ARHGAP26: variants seen among roughly 807,000 people sequenced by gnomAD.
ARHGAP26 encodes the protein Rho GTPase activating protein 26.
ARHGAP26 carries 38 observed loss-of-function variants against 104.8 expected under a neutral mutation model. That is an observed-to-expected ratio of 0.36 (90% CI 0.28 to 0.48). ARHGAP26 has a LOEUF of 0.48. Among genes scored for constraint, ARHGAP26 ranks in the 20% least tolerant of loss-of-function variants. ARHGAP26 has a pLI of 0.99. For missense variants in ARHGAP26, 704 were observed against 947.9 expected (o/e 0.74, Z 3.38); for synonymous variants, 341 against 340.0 (o/e 1.00, Z -0.03).
intron 1 of ARHGAP26, among the ~76,000 whole-genome samples, chr5:142,779,441 G>C (rs1696765513): frequency 6.6e-6 from 1 of 152,090 alleles, no homozygotes; most frequent in South Asian, 2.1e-4. Context: ...GTGTGTGTGT[G>C]TGTGTTTTCT....
At chr5:142,979,899 G>A (rs895766244) in intron 11 of ARHGAP26, among the ~76,000 whole-genome samples, 1 of 152,186 alleles carries the variant, frequency 6.6e-6, no homozygotes, top group Non-Finnish European at 1.5e-5. Context: ...TGGAAACTCC[G>A]GAGTGAGGCC....
chr5:143,037,231 A>G lies in ARHGAP26; in HGVS notation c.1180A>G (p.Arg394Gly). 6.2e-7 allele frequency: 1 copy of G among 1,604,862 alleles called. No homozygotes were observed. The highest frequency in any genetic ancestry group is 8.5e-7 in the Non-Finnish European group (1 of 1,172,954). Reference sequence around the variant, plus strand: ...GGACAGCATTGGCTTCAGCATAATCAGGAAATGCATCCATGCTGTGGAAAC... The same window carrying G: ...GGACAGCATTGGCTTCAGCATAATCGGGAAATGCATCCATGCTGTGGAAAC... ...QLDSIGFSII[R>G]KCIHAVETRG... Residue 394 changes from arginine (R) to glycine (G), a missense_variant, in exon 13 of 23, where the codon AGG (arginine) becomes GGG (glycine). Around this residue, in one of 6 missense-constraint regions of ARHGAP26, gnomAD observed 287 missense variants for 438.8 expected, o/e 0.65. Transcript: ENST00000645722.
chr5:142,810,809 C>T (rs74840895), intron 1 of ARHGAP26, among the ~76,000 whole-genome samples: 40 of 152,278 alleles, frequency 2.6e-4, no homozygotes, highest in African/African-American at 6.3e-4. Context: ...AAGTATAATT[C>T]GCCCAAAATA....
At chr5:142,793,369 T>G (rs954908237) in intron 1 of ARHGAP26, among the ~76,000 whole-genome samples, 1 of 151,690 alleles carries the variant, frequency 6.6e-6, no homozygotes, top group Non-Finnish European at 1.5e-5. Context: ...TCTTAGTGTT[T>G]TAGTCTCACT....
chr5:142,968,036 C>T lies in ARHGAP26; in HGVS notation c.1107+35911C>T, dbSNP rs371190222. ...TTTCCTTGCTCATAGGTAACAGATC[C>T]GGAGCAGCTTTACTTCTTGCTTCTC... On this transcript the variant is annotated intron_variant, in intron 11 of 22. Coordinates refer to ENST00000645722, the MANE Select transcript of ARHGAP26 (RefSeq NM_001135608.3). Among the ~76,000 whole-genome samples the T allele has an allele frequency of 3.9e-5, 6 of 152,222 alleles. No homozygotes were observed. In the South Asian group the frequency reaches 8.3e-4, roughly 21 times the overall value.
At chr5:143,061,174 C>T (rs1246472206) in intron 17 of ARHGAP26, among the ~76,000 whole-genome samples, 1 of 152,144 alleles carries the variant, frequency 6.6e-6, no homozygotes, top group Non-Finnish European at 1.5e-5. Context: ...AATTTTTCTA[C>T]CTCTTTGAGC....
At chr5:142,801,433 T>C (rs1229597705) in intron 1 of ARHGAP26, among the ~76,000 whole-genome samples, 1 of 150,376 alleles carries the variant, frequency 6.6e-6, no homozygotes, top group Non-Finnish European at 1.5e-5. Context: ...CACCATCTCT[T>C]TTTTTTTTAG....
intron 11 of ARHGAP26, among the ~76,000 whole-genome samples, chr5:142,993,108 A>G (rs1195387151): frequency 6.8e-6 from 1 of 147,052 alleles, no homozygotes; most frequent in Non-Finnish European, 1.5e-5. Context: ...CAGCTTCCTG[A>G]GTAGCTGGGT....
At chr5:143,126,110 T>G (rs1796699499) in intron 18 of ARHGAP26, among the ~76,000 whole-genome samples, 2 of 152,208 alleles carry the variant, frequency 1.3e-5, no homozygotes, top group African/African-American at 4.8e-5. Flanking sequence ...CTAAATGACC[T>G]CCAGTAAGAT....
At chr5:142,912,532 A>G (rs1274603048) in intron 9 of ARHGAP26, among the ~76,000 whole-genome samples, 3 of 152,216 alleles carry the variant, frequency 2.0e-5, no homozygotes, top group Non-Finnish European at 2.9e-5. Flanking sequence ...TAAGTTGTAC[A>G]GTTCAACATG....
At chr5:143,119,476 G>A (rs1318538873) in intron 17 of ARHGAP26, among the ~76,000 whole-genome samples, 3 of 152,142 alleles carry the variant, frequency 2.0e-5, no homozygotes, top group East Asian at 1.9e-4. Context: ...GCACAGAACC[G>A]AAGTCTCTCC....
chr5:143,005,342 G>C (rs1029364928), intron 11 of ARHGAP26, among the ~76,000 whole-genome samples: 1 of 152,226 alleles, frequency 6.6e-6, no homozygotes, highest in Non-Finnish European at 1.5e-5. Context: ...TATGCATCCT[G>C]TTTTCCTAGC....
intron 17 of ARHGAP26, among the ~76,000 whole-genome samples, chr5:143,061,816 T>C (rs1786753728): frequency 6.6e-6 from 1 of 152,220 alleles, no homozygotes; most frequent in Non-Finnish European, 1.5e-5. Context: ...GCATACTTTA[T>C]TGTGTCCTTG....
intron 11 of ARHGAP26, among the ~76,000 whole-genome samples, chr5:142,964,336 T>G (rs1270021479): frequency 1.3e-5 from 2 of 152,208 alleles, no homozygotes; most frequent in Non-Finnish European, 2.9e-5. Flanking sequence ...TACTAAATTC[T>G]TTTCTTTGAT....
intron 18 of ARHGAP26, among the ~76,000 whole-genome samples, chr5:143,124,773 TG>T (rs772534978): frequency 7.2e-5 from 11 of 152,098 alleles, no homozygotes; most frequent in Non-Finnish European, 1.5e-4. Flanking sequence ...CACCTCTGGG[TG>T]GGAGGAGCAG....
chr5:142,948,636 A>G (rs753463080), intron 11 of ARHGAP26, among the ~76,000 whole-genome samples: 2 of 151,038 alleles, frequency 1.3e-5, no homozygotes, highest in South Asian at 2.1e-4. Context: ...GACAATTCCT[A>G]TACTTTCCTT....
At chr5:143,160,761 G>C (rs1341628070) in intron 20 of ARHGAP26, among the ~76,000 whole-genome samples, 1 of 152,186 alleles carries the variant, frequency 6.6e-6, no homozygotes, top group Non-Finnish European at 1.5e-5. Flanking sequence ...TTACAGGTGT[G>C]AGTCATTGTG....
chr5:142,981,311 C>T (rs1773908976), intron 11 of ARHGAP26, among the ~76,000 whole-genome samples: 1 of 152,200 alleles, frequency 6.6e-6, no homozygotes, highest in African/African-American at 2.4e-5. Flanking sequence ...TCTATCTCAC[C>T]AGTGTGCTGG....
chr5:142,835,349 C>T (rs1003076373), intron 1 of ARHGAP26, among the ~76,000 whole-genome samples: 1 of 152,138 alleles, frequency 6.6e-6, no homozygotes, highest in Non-Finnish European at 1.5e-5. Flanking sequence ...GTTCTAGATA[C>T]CCCGTGTAAG....
Sources: gnomAD v4.1 joint callset for allele counts (sites outside exome capture counted in the v4.1 genomes callset) on GRCh38, gnomAD v4.1.1 for gene constraint, gnomAD v4.1.1 regional missense constraint, MANE v1.5 for transcripts, NCBI Gene and HGNC (gene_info 2026-07-23, HGNC 2026-07-21) for gene names.